ACOT11: variants seen among roughly 807,000 people sequenced by gnomAD.
The protein encoded by ACOT11 is acyl-CoA thioesterase 11.
ACOT11 carries 69 observed loss-of-function variants against 77.5 expected under a neutral mutation model. The observed-to-expected ratio is 0.89, with a 90% CI of 0.73 to 1.09. The LOEUF (loss-of-function observed/expected upper bound fraction) is 1.09. Ranked by LOEUF, ACOT11 falls within the 50% of genes least tolerant of loss-of-function variation. ACOT11 has a pLI of 0.00. For missense variants in ACOT11, 766 were observed against 813.7 expected (o/e 0.94, Z 0.71); for synonymous variants, 279 against 313.0 (o/e 0.89, Z 1.15).
At chr1:54,613,359 A>T (rs1435350073), downstream of ACOT11, among the ~76,000 whole-genome samples, 1 of 151,880 alleles carries the variant, frequency 6.6e-6, no homozygotes, top group Non-Finnish European at 1.5e-5. Flanking sequence ...AACTTGGGCA[A>T]CAGAGTGAGA....
chr1:54,569,308 C>T (rs1653854822), intron 1 of ACOT11, among the ~76,000 whole-genome samples: 1 of 152,072 alleles, frequency 6.6e-6, no homozygotes, highest in East Asian at 1.9e-4. Context: ...CTAGAATCGG[C>T]CCCTTCCTAA....
At position 54,594,020 on chromosome 1, in the gene ACOT11, C is replaced by A; in HGVS notation, c.452C>A (p.Ala151Asp). Residue 151 changes from alanine to aspartate, a missense_variant, in exon 5 of 16, where the codon GCC (alanine) becomes GAC (aspartate). By Grantham distance (126) the Ala-to-Asp change is moderately radical. Coordinates refer to ENST00000343744, the MANE Select transcript of ACOT11 (RefSeq NM_147161.4). ...TGCAAGGCCTTGGCCACCTTCGTGG[C>A]CCGCCGAGAGATCACCAAGGTAACT... ...NVCKALATFV[A>D]RREITKVKLK... is the part of the protein sequence containing the mutation. 1 of 1,613,988 alleles carries A rather than the reference C, an allele frequency of 6.2e-7. No individual in the cohort carries two copies. Among genetic ancestry groups the A allele is most frequent in the South Asian group, 1.1e-5 (1 of 91,080 alleles).
chr1:54,605,034 C>A lies in ACOT11; in HGVS notation c.1237-42C>A. On this transcript the variant is annotated intron_variant, in intron 12 of 15. Coordinates refer to ENST00000343744, the MANE Select transcript of ACOT11 (RefSeq NM_147161.4). The stretch of plus-strand genomic sequence containing the variant: ...AGCCTCCAGCATCCCCATCAGTCCA[C>A]TCCACCACCCAGCAAATGAGGCTGC... The A allele has an allele frequency of 3.2e-6, 5 of 1,584,952 alleles. No homozygotes were observed. The South Asian group carries it at 5.7e-5, about 18-fold the overall frequency.
At chr1:54,611,336 G>C (rs1644115814), downstream of ACOT11, among the ~76,000 whole-genome samples, 1 of 152,104 alleles carries the variant, frequency 6.6e-6, no homozygotes, top group South Asian at 2.1e-4. Context: ...GGAGGCGGAG[G>C]TTACAGGGAG....
At chr1:54,608,196 C>G (rs1644054584) in intron 15 of ACOT11, 128 bp downstream of exon 15, 9 of 823,560 alleles carry the variant, frequency 1.1e-5, no homozygotes, top group Middle Eastern at 3.7e-4. Flanking sequence ...CCCTTCCAGC[C>G]TGGGGGAGCC....
chr1:54,564,065 C>CA (rs1229856632), intron 1 of ACOT11, among the ~76,000 whole-genome samples: 19,480 of 119,850 alleles, frequency 0.16, 1,453 homozygotes, highest in African/African-American at 0.3. Flanking sequence ...AACTCCATCT[C>CA]AAAAAAAAAA....
In ACOT11 at chr1:54,607,810, G is replaced by A. The variant is rs182998428; in HGVS notation, c.1503-132G>A. On this transcript the variant is annotated intron_variant, in intron 14 of 15. Coordinates refer to ENST00000343744, the MANE Select transcript of ACOT11 (RefSeq NM_147161.4). The surrounding 1 kb of genome is among the most constrained non-coding windows in gnomAD (Gnocchi z 4.5). ...GCCCCGCATTGGGGCTTTAAGAGTCGATGTGCCTTGCATCCCCCTGGTGAG... is the reference window on the plus strand; with the variant it reads ...GCCCCGCATTGGGGCTTTAAGAGTCAATGTGCCTTGCATCCCCCTGGTGAG... The A allele has an allele frequency of 8.1e-6, 10 of 1,235,474 alleles. No homozygotes were observed. The highest frequency in any genetic ancestry group is 5.6e-6 in the Non-Finnish European group (5 of 887,084). 76.5% of individuals were successfully genotyped at this position (1,235,474 alleles called of 1,614,324 possible).
At chr1:54,619,530 T>C (rs974802500) in intron 15 of ACOT11, among the ~76,000 whole-genome samples, 2 of 152,200 alleles carry the variant, frequency 1.3e-5, no homozygotes, top group African/African-American at 4.8e-5. Flanking sequence ...GTAACCATTT[T>C]TGAAGTGCAG....
chr1:54,612,711 C>T (rs1644132434), downstream of ACOT11: 2 of 1,611,570 alleles, frequency 1.2e-6, no homozygotes, highest in Non-Finnish European at 1.7e-6. Context: ...GGCCAGGAAC[C>T]TGCAAAAAAA....
intron 1 of ACOT11, among the ~76,000 whole-genome samples, chr1:54,573,580 A>C (rs1226055834): frequency 6.6e-6 from 1 of 152,190 alleles, no homozygotes; most frequent in Non-Finnish European, 1.5e-5. Flanking sequence ...TAAAAATACA[A>C]AAAGTATCCA....
intron 6 of ACOT11, 103 bp from the exon 7 acceptor site, chr1:54,597,156 G>A: frequency 6.9e-7 from 1 of 1,441,750 alleles, no homozygotes. Context: ...AAGAACCTGA[G>A]TGGGGTAGAG....
chr1:54,578,335 C>G (rs750687176), intron 1 of ACOT11, among the ~76,000 whole-genome samples: 1 of 152,168 alleles, frequency 6.6e-6, no homozygotes, highest in African/African-American at 2.4e-5. Context: ...TGATGGGAAC[C>G]TTGTGAAAGG....
At chr1:54,638,196 G>T (rs1386371293) in exon 17 of ACOT11, 1 of 152,188 alleles carries the variant, frequency 6.6e-6, no homozygotes, top group South Asian at 2.1e-4. Context: ...CACCAAAAAG[G>T]TGGCAGACTA....
chr1:54,548,893 C>T (rs1008965751), intron 1 of ACOT11, among the ~76,000 whole-genome samples: 3 of 152,078 alleles, frequency 2.0e-5, no homozygotes, highest in African/African-American at 7.2e-5. Flanking sequence ...AGAACTTTTC[C>T]CTGCGCTTTG....
At chr1:54,553,428 A>G (rs1653141584) in intron 1 of ACOT11, among the ~76,000 whole-genome samples, 1 of 151,638 alleles carries the variant, frequency 6.6e-6, no homozygotes, top group African/African-American at 2.4e-5. Context: ...AGATCGCGCC[A>G]CTGCACTCCA....
chr1:54,550,154 GC>G (rs1231267073), intron 1 of ACOT11, among the ~76,000 whole-genome samples: 2 of 152,164 alleles, frequency 1.3e-5, no homozygotes, highest in African/African-American at 2.4e-5. Flanking sequence ...CAGCAGTTTG[GC>G]CCCAGAGTCT....
At chr1:54,566,453 T>TC (rs1407685944) in intron 1 of ACOT11, among the ~76,000 whole-genome samples, 1 of 90,296 alleles carries the variant, frequency 1.1e-5, no homozygotes, top group Non-Finnish European at 1.9e-5. Context: ...CAAGACTGTC[T>TC]CAAAAAAAAA....
chr1:54,573,336 A>T, intron 1 of ACOT11: 1 of 682,624 alleles, frequency 1.5e-6, no homozygotes, highest in Non-Finnish European at 1.8e-6. Flanking sequence ...TATATGTGCA[A>T]GTTACCTTTT....
chr1:54,620,877 A>AAG (rs1644223342), intron 15 of ACOT11, among the ~76,000 whole-genome samples: 1 of 135,004 alleles, frequency 7.4e-6, no homozygotes, highest in African/African-American at 2.8e-5. Context: ...AAAAAAAAAA[A>AAG]GGCTGGGTTT....
Sources: gnomAD v4.1 joint callset for allele counts (sites outside exome capture counted in the v4.1 genomes callset) on GRCh38, gnomAD v4.1.1 for gene constraint, Gnocchi (gnomAD v3.1) non-coding constraint, MANE v1.5 for transcripts, NCBI Gene and HGNC (gene_info 2026-07-23, HGNC 2026-07-21) for gene names.